GPLD1: variants seen among roughly 807,000 people sequenced by gnomAD.
The protein encoded by GPLD1 is phosphatidylinositol-glycan-specific phospholipase D.
Under a neutral mutation model 112.6 loss-of-function variants are expected in GPLD1, and 84 were observed. The ratio of observed to expected loss-of-function variants is 0.75; its 90% CI spans 0.63 to 0.89. The LOEUF (loss-of-function observed/expected upper bound fraction) is 0.89. Ranked by LOEUF, GPLD1 falls within the 40% of genes least tolerant of loss-of-function variation. GPLD1 has a pLI of 0.00. For missense variants in GPLD1, 1,044 were observed against 1,051.5 expected (o/e 0.99, Z 0.10); for synonymous variants, 386 against 403.8 (o/e 0.96, Z 0.53).
At position 24,426,467 on chromosome 6, in the gene GPLD1, C is replaced by T. The variant is rs919238667; in HGVS notation, c.*2565G>A. On this transcript the variant is annotated 3_prime_UTR_variant, in exon 25 of 25. Transcript: ENST00000230036. ...CATTGGGGTTAGTATGGTTAAATGT[C>T]CTATAAACTTGAAGCTTGCTTCCAT... Among the ~76,000 whole-genome samples the T allele has an allele frequency of 8.1e-6, 1 of 123,604 alleles. No individual in the cohort carries two copies. The highest frequency in any genetic ancestry group is 1.7e-5 in the Non-Finnish European group (1 of 58,240). The allele number at this position is 123,604 out of a possible 152,430, so 81.1% of individuals were successfully genotyped here.
At chr6:24,459,663 A>T (rs1027243677) in intron 12 of GPLD1, among the ~76,000 whole-genome samples, 1 of 152,194 alleles carries the variant, frequency 6.6e-6, no homozygotes, top group Non-Finnish European at 1.5e-5. Flanking sequence ...AAATTTTTTA[A>T]GGGTCAGAGT....
chr6:24,495,252 G>A, upstream of GPLD1: 2 of 1,528,940 alleles, frequency 1.3e-6, no homozygotes, highest in Non-Finnish European at 8.7e-7. Context: ...CAGCGGCGCC[G>A]CTCTGGGCAT....
chr6:24,463,357 C>A (rs920564770), intron 10 of GPLD1, among the ~76,000 whole-genome samples: 2 of 152,124 alleles, frequency 1.3e-5, no homozygotes, highest in Non-Finnish European at 2.9e-5. Flanking sequence ...GAAGAGTATT[C>A]TGGAATGAAG....
chr6:24,472,691 C>A (rs1349883879), intron 6 of GPLD1, 55 bp from the exon 7 acceptor site: 11 of 920,672 alleles, frequency 1.2e-5, no homozygotes, highest in Admixed American at 1.8e-5. Context: ...ACATAGCATG[C>A]ATCTATTCAA....
In GPLD1 at chr6:24,445,593, A is replaced by T; in HGVS notation, c.1973T>A (p.Met658Lys). Residue 658 changes from methionine (M) to lysine (K), a missense_variant, in exon 20 of 25, where the codon ATG (methionine) becomes AAG (lysine). Coordinates refer to ENST00000230036, the MANE Select transcript of GPLD1 (RefSeq NM_001503.4). ...CAGCACTTGTTTCAGAGTCCCATTC[A>T]TCAGTACGTGGCCACTGGAAAGGGA... ...GTSLSSGHVL[M>K]NGTLKQVLLV... The T allele has an allele frequency of 6.2e-7, 1 of 1,614,054 alleles. No homozygotes were observed. Among genetic ancestry groups the T allele is most frequent in the South Asian group, 1.1e-5 (1 of 91,074 alleles).
chr6:24,463,191 T>A (rs79380821), intron 10 of GPLD1, among the ~76,000 whole-genome samples: 3 of 151,770 alleles, frequency 2.0e-5, no homozygotes, highest in Non-Finnish European at 2.9e-5. Flanking sequence ...TTCATTTCTT[T>A]AAAAAAAATT....
upstream of GPLD1, among the ~76,000 whole-genome samples, chr6:24,493,767 TAA>T (rs1195003800): frequency 6.6e-6 from 1 of 152,214 alleles, no homozygotes; most frequent in Admixed American, 6.6e-5. Flanking sequence ...AGTCAAAATT[TAA>T]AGTTACTGCC....
chr6:24,450,856 C>T (rs1322364251), intron 14 of GPLD1, among the ~76,000 whole-genome samples: 1 of 151,974 alleles, frequency 6.6e-6, no homozygotes, highest in Non-Finnish European at 1.5e-5. Context: ...CCTGTAATTC[C>T]AGCTACTCAG....
intron 7 of GPLD1, among the ~76,000 whole-genome samples, chr6:24,469,817 C>T (rs1763738597): frequency 6.6e-6 from 1 of 151,720 alleles, no homozygotes; most frequent in Admixed American, 6.6e-5. Context: ...TAAAAAATCG[C>T]AACCAATAAA....
rs1764664671 is a variant in GPLD1 at position 24,495,118 on chromosome 6, C to T, written n.88G>A. 2.3e-6 allele frequency: 3 copies of T among 1,330,208 alleles called. No individual in the cohort carries two copies. The highest frequency in any genetic ancestry group is 6.3e-5 in the East Asian group (2 of 31,632). The allele number at this position is 1,330,208 out of a possible 1,614,324, so 82.4% of individuals were successfully genotyped here. A position where few individuals can be genotyped will look rare whatever the true frequency, so the allele number is the denominator to read the frequency against. The stretch of plus-strand genomic sequence containing the variant: ...CCTGCCTCCGGGCCTGCGCCCGGCC[C>T]GGCCCAGCTCCGCTGCTACGCTGGG... On this transcript the variant is annotated non_coding_transcript_exon_variant, in exon 1 of 11. Transcript: ENST00000474784.
intron 2 of GPLD1, among the ~76,000 whole-genome samples, 153 bp downstream of exon 2, chr6:24,485,922 G>A (rs1310053416): frequency 1.3e-5 from 2 of 152,160 alleles, no homozygotes; most frequent in African/African-American, 2.4e-5. Flanking sequence ...ACCTGCCTCA[G>A]CCTCCCAAAG....
chr6:24,469,440 A>G lies in GPLD1; in HGVS notation c.546-2166T>C, dbSNP rs1405048043. Among the ~76,000 whole-genome samples, 4 of 110,192 alleles carry G rather than the reference A, an allele frequency of 3.6e-5. No homozygotes were observed. The South Asian group carries it at 1.1e-3, about 30-fold the overall frequency. The allele number at this position is 110,192 out of a possible 152,430, so 72.3% of individuals were successfully genotyped here. A position where few individuals can be genotyped will look rare whatever the true frequency, so the allele number is the denominator to read the frequency against. On this transcript the variant is annotated intron_variant, in intron 7 of 24. Transcript: ENST00000230036. The stretch of plus-strand genomic sequence containing the variant: ...TGGCACATATACACCATGGAATACT[A>G]TGCAGCCATAAAAAATGATGAGTTC...
chr6:24,452,501 C>T (rs565902499), intron 14 of GPLD1, among the ~76,000 whole-genome samples: 2 of 152,182 alleles, frequency 1.3e-5, no homozygotes, highest in Admixed American at 6.5e-5. Flanking sequence ...CATGGCTGGG[C>T]GTGGTGGCTC....
chr6:24,432,464 G>A (rs1762436261), intron 24 of GPLD1, among the ~76,000 whole-genome samples: 1 of 152,028 alleles, frequency 6.6e-6, no homozygotes. Flanking sequence ...AGCTGGGCCT[G>A]GTGGTGGGCA....
intron 1 of GPLD1, chr6:24,494,820 A>C: frequency 1.5e-6 from 1 of 688,286 alleles, no homozygotes; most frequent in Admixed American, 4.5e-5. Flanking sequence ...GCGGCGGTGC[A>C]GCGAGAAAGA....
At chr6:24,434,856 G>A (rs1371937349) in intron 22 of GPLD1, among the ~76,000 whole-genome samples, 63 of 121,268 alleles carry the variant, frequency 5.2e-4, no homozygotes, top group African/African-American at 1.7e-3. Context: ...AAAAAAAAAA[G>A]ACAGGGTCTC....
In GPLD1 at chr6:24,436,983, G is replaced by C. The variant is rs557146898; in HGVS notation, c.2197+130C>G. The C allele has an allele frequency of 9.6e-6, 8 of 833,766 alleles. No homozygotes were observed. The African/African-American group carries it at 1.4e-4, about 14-fold the overall frequency. 51.6% of individuals were successfully genotyped at this position (833,766 alleles called of 1,614,324 possible). A position where few individuals can be genotyped will look rare whatever the true frequency, so the allele number is the denominator to read the frequency against. ...CCCTCTCTGGTCTTGCCTCATTCAAGATCTGTCTAAAGGTCCTTGGGCCAC... is the reference window on the plus strand; with the variant it reads ...CCCTCTCTGGTCTTGCCTCATTCAACATCTGTCTAAAGGTCCTTGGGCCAC... On this transcript the variant is annotated intron_variant, in intron 21 of 24. Coordinates refer to ENST00000230036, the MANE Select transcript of GPLD1 (RefSeq NM_001503.4).
chr6:24,439,181 C>T (rs1258974685), intron 20 of GPLD1, among the ~76,000 whole-genome samples: 1 of 146,986 alleles, frequency 6.8e-6, no homozygotes, highest in Non-Finnish European at 1.5e-5. Context: ...CTCCCTGCTT[C>T]AGTCCTTCCA....
intron 21 of GPLD1, 93 bp from the exon 22 acceptor site, chr6:24,436,829 C>T: frequency 1.6e-6 from 2 of 1,238,434 alleles, no homozygotes; most frequent in Middle Eastern, 2.1e-4. Context: ...CAACCTCTTA[C>T]AAATAATATT....
Sources: allele counts gnomAD v4.1 joint callset (sites outside exome capture counted in the v4.1 genomes callset), GRCh38; gene constraint gnomAD v4.1.1; transcripts MANE v1.5; gene names NCBI Gene and HGNC (gene_info 2026-07-23, HGNC 2026-07-21).